SLC39A14: variants seen among roughly 807,000 people sequenced by gnomAD.
SLC39A14 encodes metal cation symporter ZIP14.
A neutral mutation model predicts 45.5 loss-of-function variants in SLC39A14; 19 were observed. The observed-to-expected ratio is 0.42, with a 90% CI of 0.29 to 0.61. The LOEUF (loss-of-function observed/expected upper bound fraction) is 0.61, where lower values mean the gene tolerates loss of function less well. Ranked by LOEUF, SLC39A14 falls within the 20% of genes least tolerant of loss-of-function variation. The pLI is 0.22. For synonymous variants in SLC39A14, 264 were observed against 251.3 expected, an observed-to-expected ratio of 1.05 and a Z score of -0.48; for missense variants, 447 against 616.5, an observed-to-expected ratio of 0.73 and a Z score of 2.91.
At chr8:22,369,923 C>T (rs1427288236) in intron 1 of SLC39A14, among the ~76,000 whole-genome samples, 1 of 152,134 alleles carries the variant, frequency 6.6e-6, no homozygotes, top group Non-Finnish European at 1.5e-5. Flanking sequence ...TCTTCCTTGG[C>T]AACATGGATG....
intron 3 of SLC39A14, 181 bp from the exon 4 acceptor site, chr8:22,411,856 C>G (rs979081752): frequency 1.7e-6 from 1 of 576,298 alleles, no homozygotes; most frequent in Non-Finnish European, 3.1e-6. Flanking sequence ...CTATTTCTCT[C>G]TCCCTCCCTA....
chr8:22,383,750 C>T (rs1415579716), intron 1 of SLC39A14, among the ~76,000 whole-genome samples: 1 of 152,182 alleles, frequency 6.6e-6, no homozygotes, highest in African/African-American at 2.4e-5. Context: ...AGGGCGCGTC[C>T]TGTGCCCTGT....
At chr8:22,432,818 GT>G (rs71206520) in intron 8 of SLC39A14, among the ~76,000 whole-genome samples, 22,462 of 74,830 alleles carry the variant, frequency 0.3, 3,997 homozygotes, top group African/African-American at 0.6. Flanking sequence ...CGGCTATTTT[GT>G]TTTTTTTTTT....
At chr8:22,368,272 C>G (rs1832742804) in intron 1 of SLC39A14, among the ~76,000 whole-genome samples, 1 of 152,076 alleles carries the variant, frequency 6.6e-6, no homozygotes, top group South Asian at 2.1e-4. Context: ...TGGAGCAAGC[C>G]TGGTTTGGGT....
At position 22,419,713 on chromosome 8, in the gene SLC39A14, C is replaced by A. The variant is rs777974202; in HGVS notation, c.*15C>A. The A allele has an allele frequency of 6.4e-7, 1 of 1,571,642 alleles. No individual in the cohort carries two copies. The highest frequency in any genetic ancestry group is 8.6e-7 in the Non-Finnish European group (1 of 1,159,226). ...AGATTGGGTAGGGCTCTGCCAAGAG[C>A]CTGTGGGACTGGAAGTCGGGCCCTG... On this transcript the variant is annotated 3_prime_UTR_variant, in exon 9 of 9. Transcript: ENST00000381237.
At chr8:22,424,406 G>T (rs1836347209), downstream of SLC39A14, among the ~76,000 whole-genome samples, 1 of 152,182 alleles carries the variant, frequency 6.6e-6, no homozygotes, top group Admixed American at 6.5e-5. Context: ...CTCCATTAGA[G>T]ATTTTCAAAT....
At chr8:22,403,225 C>T (rs1006849931) in intron 1 of SLC39A14, among the ~76,000 whole-genome samples, 1 of 152,058 alleles carries the variant, frequency 6.6e-6, no homozygotes, top group Admixed American at 6.6e-5. Context: ...ACCTGCCTGC[C>T]TTGGCCTCCC....
chr8:22,416,281 G>GTA lies in SLC39A14; in HGVS notation c.1147+2_1147+3dup. The GTA allele has an allele frequency of 1.2e-6, 2 of 1,612,376 alleles. No individual in the cohort carries two copies. The highest frequency in any genetic ancestry group is 1.7e-6 in the Non-Finnish European group (2 of 1,179,868). ...TGTGAGGAGTTCCCACATGAGCTAG[G>GTA]TAAGCGTGCGTCCCCCGTTCCACTG... On this transcript the variant is annotated splice_donor_variant, in intron 7 of 8. Coordinates refer to ENST00000381237, the MANE Select transcript of SLC39A14 (RefSeq NM_001128431.4). LOFTEE classifies it high-confidence loss of function.
rs563772742 is a variant in SLC39A14, at chr8:22,406,134, A to G, written c.270+1154A>G. 3.9e-5 allele frequency among the ~76,000 whole-genome samples: 6 copies of G among 152,288 alleles called. No individual in the cohort carries two copies. In the East Asian group the frequency reaches 1.2e-3, roughly 29 times the overall value. On this transcript the variant is annotated intron_variant, in intron 2 of 8. Coordinates refer to ENST00000381237, the MANE Select transcript of SLC39A14 (RefSeq NM_001128431.4). The stretch of plus-strand genomic sequence containing the variant: ...GTGTCCTCCAGCTGCCCCTTGAAAG[A>G]TGAGTGCAGTGTGGAGATAAAATGG...
At chr8:22,374,611 C>T (rs573355504) in intron 1 of SLC39A14, among the ~76,000 whole-genome samples, 83 of 151,996 alleles carry the variant, frequency 5.5e-4, no homozygotes, top group African/African-American at 1.9e-3. Flanking sequence ...TGGAAATGTA[C>T]GTTGGGTCTA....
In SLC39A14 at chr8:22,415,760, C is replaced by A. The variant is rs1039778197; in HGVS notation, c.751-9C>A. 4 of 1,606,692 alleles carry A rather than the reference C, an allele frequency of 2.5e-6. No homozygotes were observed. In the East Asian group the frequency reaches 6.7e-5, roughly 27 times the overall value. ...ATGTCATGCTGATCCCTCCCTGTCA[C>A]CCTTCCAGCATCATCATGGACACAG... On this transcript the variant is annotated splice_polypyrimidine_tract_variant and intron_variant, in intron 5 of 8. Transcript: ENST00000381237.
chr8:22,384,073 G>A (rs1361116849), intron 1 of SLC39A14, among the ~76,000 whole-genome samples: 3 of 152,082 alleles, frequency 2.0e-5, no homozygotes, highest in Non-Finnish European at 2.9e-5. Context: ...TGCCTCCCAC[G>A]GCAGAAGCCT....
chr8:22,415,591 C>G (rs151199429), intron 5 of SLC39A14, 178 bp from the exon 6 acceptor site: 2 of 590,202 alleles, frequency 3.4e-6, no homozygotes, highest in Non-Finnish European at 5.7e-6. Context: ...CCACCGTGCC[C>G]GACCATGGCT....
chr8:22,411,925 C>A, intron 3 of SLC39A14, 112 bp from the exon 4 acceptor site: 1 of 988,980 alleles, frequency 1.0e-6, no homozygotes, highest in Non-Finnish European at 1.4e-6. Flanking sequence ...CTTTTCCTTG[C>A]GACCTCCCTA....
In SLC39A14 at chr8:22,421,318, C is replaced by T; in HGVS notation, c.*1620C>T. The stretch of plus-strand genomic sequence containing the variant: ...CGTTTTGTTTTCTCTTCTTGGGAGA[C>T]ATCTGTCAAACCAGGAATATTCTTG... On this transcript the variant is annotated 3_prime_UTR_variant, in exon 9 of 9. Transcript: ENST00000381237. The T allele has an allele frequency of 4.1e-6, 4 of 985,812 alleles. No homozygotes were observed. The highest frequency in any genetic ancestry group is 4.8e-6 in the Non-Finnish European group (4 of 829,892). The allele number at this position is 985,812 out of a possible 1,614,324, so 61.1% of individuals were successfully genotyped here.
intron 1 of SLC39A14, among the ~76,000 whole-genome samples, chr8:22,395,091 C>G (rs112212694): frequency 0.03 from 4,566 of 151,634 alleles, 218 homozygotes; most frequent in African/African-American, 0.1. Context: ...CTCACTGCAA[C>G]CTTCGCCTCC....
Position 22,367,420 on chromosome 8 carries a change from G to A in SLC39A14, c.-16+12G>A, listed in dbSNP as rs1236230265. ...CCTCCGAGCGCCAGGTGAGGGCGGG[G>A]ACGCCAAGGGCCGCGGGATGGGCAG... On this transcript the variant is annotated intron_variant, in intron 1 of 8. Coordinates refer to ENST00000381237, the MANE Select transcript of SLC39A14 (RefSeq NM_001128431.4). The surrounding 1 kb of genome is among the most constrained non-coding windows in gnomAD (Gnocchi z 4.2). 2.6e-5 allele frequency: 4 copies of A among 152,272 alleles called. No individual in the cohort carries two copies. The highest frequency in any genetic ancestry group is 5.9e-5 in the Non-Finnish European group (4 of 68,252). 9.4% of individuals were successfully genotyped at this position (152,272 alleles called of 1,614,324 possible).
chr8:22,376,430 A>G (rs1266691161), intron 1 of SLC39A14, among the ~76,000 whole-genome samples: 1 of 141,042 alleles, frequency 7.1e-6, no homozygotes, highest in African/African-American at 2.6e-5. Flanking sequence ...TGATCCACCC[A>G]CCTCAGCCTC....
intron 1 of SLC39A14, among the ~76,000 whole-genome samples, chr8:22,402,120 G>A (rs148082025): frequency 0.12 from 18,701 of 152,132 alleles, 1,298 homozygotes; most frequent in Non-Finnish European, 0.16. Context: ...AGTAGCTCAC[G>A]CCTGTAATCC....
Sources: gnomAD v4.1 joint callset for allele counts (sites outside exome capture counted in the v4.1 genomes callset) on GRCh38, gnomAD v4.1.1 for gene constraint, Gnocchi (gnomAD v3.1) non-coding constraint, MANE v1.5 for transcripts, NCBI Gene and HGNC (gene_info 2026-07-23, HGNC 2026-07-21) for gene names.